MYCBP2: variants seen among roughly 807,000 people sequenced by gnomAD.
The protein encoded by MYCBP2 is E3 ubiquitin-protein ligase MYCBP2.
Under a neutral mutation model 525.3 loss-of-function variants are expected in MYCBP2, and 120 were observed. That is an observed-to-expected ratio of 0.23 (90% CI 0.20 to 0.27). The LOEUF (loss-of-function observed/expected upper bound fraction) is 0.27. Among genes scored for constraint, MYCBP2 ranks in the 10% least tolerant of loss-of-function variants. MYCBP2 has a pLI of 1.00. For synonymous variants in MYCBP2, 1,894 were observed against 1,955.8 expected (o/e 0.97, Z 0.83); for missense variants, 4,149 against 5,657.1 (o/e 0.73, Z 8.55).
chr13:77,241,121 T>A (rs1013100467), intron 17 of MYCBP2, among the ~76,000 whole-genome samples: 2 of 152,174 alleles, frequency 1.3e-5, no homozygotes, highest in Non-Finnish European at 2.9e-5. Context: ...ATTTTTTTTT[T>A]AACTTTAAAG....
At chr13:77,108,025 A>C (rs757206309) in intron 55 of MYCBP2, among the ~76,000 whole-genome samples, 43 of 152,202 alleles carry the variant, frequency 2.8e-4, no homozygotes, top group Admixed American at 2.6e-4. Flanking sequence ...GTATTTATGT[A>C]AGACTTATTT....
At chr13:77,149,386 CTT>C (rs544204271) in intron 47 of MYCBP2, among the ~76,000 whole-genome samples, 1 of 143,454 alleles carries the variant, frequency 7.0e-6, no homozygotes, top group African/African-American at 2.5e-5. Flanking sequence ...GCTTGGAAAT[CTT>C]TTTTTTTTTT....
chr13:77,097,869 AGAT>A lies in MYCBP2; in HGVS notation c.9282_9284del (p.Ser3095del). On this transcript the variant is annotated inframe_deletion, in exon 56 of 83. Coordinates refer to ENST00000544440, the MANE Select transcript of MYCBP2 (RefSeq NM_015057.5). Reference sequence around the variant, plus strand: ...GTGCAATATTAAACATATTCAGTGCAGATGATATTTCTAATGAATGTCTATTTT... The same window carrying A: ...GTGCAATATTAAACATATTCAGTGCAGATATTTCTAATGAATGTCTATTTT... 6.2e-7 allele frequency: 1 copy of A among 1,613,224 alleles called. No individual in the cohort carries two copies. Among genetic ancestry groups the A allele is most frequent in the Non-Finnish European group, 8.5e-7 (1 of 1,179,770 alleles).
At chr13:77,047,794 G>A (rs2154048961) in intron 82 of MYCBP2, among the ~76,000 whole-genome samples, 1 of 152,244 alleles carries the variant, frequency 6.6e-6, no homozygotes, top group East Asian at 1.9e-4. Context: ...GGGCTCCAGT[G>A]GGTTCCTGGG....
chr13:77,202,379 A>C lies in MYCBP2; in HGVS notation c.3843+2877T>G, dbSNP rs544152093. ...AATCTCTGAATAGACCAATAACAGG[A>C]TCTGAAATTGTGGCAATAATCAACA... On this transcript the variant is annotated intron_variant, in intron 26 of 82. Coordinates refer to ENST00000544440, the MANE Select transcript of MYCBP2 (RefSeq NM_015057.5). Among the ~76,000 whole-genome samples the C allele has an allele frequency of 5.6e-3, 849 of 152,244 alleles. 33 individuals carry two copies. The highest frequency in any genetic ancestry group is 0.049 in the Admixed American group (755 of 15,274).
At chr13:77,105,809 T>A (rs2047767867) in intron 55 of MYCBP2, among the ~76,000 whole-genome samples, 1 of 152,142 alleles carries the variant, frequency 6.6e-6, no homozygotes, top group East Asian at 1.9e-4. Flanking sequence ...TTTTCTCCAG[T>A]GCTCATTTGA....
chr13:77,130,050 C>T (rs2154171045), intron 52 of MYCBP2, among the ~76,000 whole-genome samples: 1 of 151,824 alleles, frequency 6.6e-6, no homozygotes, highest in East Asian at 1.9e-4. Context: ...AAATGTTTTA[C>T]TGATAATTTA....
chr13:77,236,619 GAAT>G (rs1174763426), intron 17 of MYCBP2, among the ~76,000 whole-genome samples: 4 of 152,018 alleles, frequency 2.6e-5, no homozygotes, highest in Non-Finnish European at 5.9e-5. Context: ...CTACTAAATG[GAAT>G]AATACGCAGC....
At chr13:77,235,513 T>C (rs1019211021) in intron 17 of MYCBP2, among the ~76,000 whole-genome samples, 1 of 152,022 alleles carries the variant, frequency 6.6e-6, no homozygotes, top group Non-Finnish European at 1.5e-5. Context: ...CTTGGAGAGG[T>C]ATGCAAAAAA....
chr13:77,061,043 T>G, intron 76 of MYCBP2, 126 bp downstream of exon 76: 1 of 1,071,250 alleles, frequency 9.3e-7, no homozygotes. Flanking sequence ...AGTAAATATA[T>G]AGATCAATGA....
chr13:77,168,438 A>T lies in MYCBP2; in HGVS notation c.6104T>A (p.Met2035Lys). 4 of 1,614,034 alleles carry T rather than the reference A, an allele frequency of 2.5e-6. No individual in the cohort carries two copies. The highest frequency in any genetic ancestry group is 3.4e-6 in the Non-Finnish European group (4 of 1,179,924). The change falls in exon 40 of 83, where the codon ATG becomes AAG. Residue 2035 changes from methionine to lysine, a missense_variant. Around this residue, in one of 21 missense-constraint regions of MYCBP2, gnomAD observed 692 missense variants for 852.7 expected, o/e 0.81. Transcript: ENST00000544440. ...AGAACCGGTGCCTACCTTGTAATGC[A>T]TCACACAGGCAGGTTTATACGGGTG... ...SEHPYKPACVMHYKVTFPECV... is the reference protein window; with the variant it reads ...SEHPYKPACVKHYKVTFPECV...
chr13:77,121,625 C>A (rs2050708691), intron 54 of MYCBP2, 130 bp from the exon 55 acceptor site: 2 of 857,182 alleles, frequency 2.3e-6, no homozygotes, highest in Non-Finnish European at 3.2e-6. Context: ...TAGATTTGAT[C>A]AATTTAAATA....
intron 52 of MYCBP2, among the ~76,000 whole-genome samples, chr13:77,133,576 T>C (rs919892087): frequency 4.6e-5 from 7 of 152,078 alleles, no homozygotes; most frequent in African/African-American, 1.7e-4. Context: ...AAAACAAATA[T>C]TATGGGTAGC....
intron 1 of MYCBP2, among the ~76,000 whole-genome samples, chr13:77,311,294 A>G (rs1163223274): frequency 1.3e-5 from 2 of 152,230 alleles, no homozygotes. Context: ...TCCTCCAGAG[A>G]ATTATAATAA....
At chr13:77,045,873 A>G (rs2035465699) in intron 82 of MYCBP2, among the ~76,000 whole-genome samples, 1 of 152,216 alleles carries the variant, frequency 6.6e-6, no homozygotes, top group South Asian at 2.1e-4. Flanking sequence ...TTCTGAATAG[A>G]AAACAGGGAG....
intron 72 of MYCBP2, among the ~76,000 whole-genome samples, chr13:77,065,239 T>C (rs2040006093): frequency 1.3e-5 from 2 of 152,222 alleles, no homozygotes; most frequent in African/African-American, 4.8e-5. Flanking sequence ...CTAAATATTT[T>C]AATTCAATGA....
rs777629569 is a variant in MYCBP2 at position 77,083,105 on chromosome 13, G to A, written c.10963C>T (p.Arg3655Cys). 9.3e-6 allele frequency: 15 copies of A among 1,613,488 alleles called. No homozygotes were observed. Among genetic ancestry groups the A allele is most frequent in the African/African-American group, 1.3e-5 (1 of 74,846 alleles). The change falls in exon 63 of 83, where the codon CGC becomes TGC. Residue 3655 changes from arginine to cysteine, a missense_variant. Physicochemically the swap from Arg to Cys is radical, Grantham distance 180. This residue lies in a region of MYCBP2 where 509 missense variants were observed against 789.4 expected (regional missense o/e 0.64). Coordinates refer to ENST00000544440, the MANE Select transcript of MYCBP2 (RefSeq NM_015057.5). ...AGGTCTGAGATGGTCTGCAGCAAGC[G>A]GTGAAAGGTGTGTGGTAAAGGATGA... is the stretch of plus-strand genomic sequence containing the variant. ...AAHPLPHTFH[R>C]LLQTISDLMM...
At chr13:77,218,738 A>G (rs949802865) in intron 20 of MYCBP2, among the ~76,000 whole-genome samples, 2 of 152,238 alleles carry the variant, frequency 1.3e-5, no homozygotes, top group African/African-American at 4.8e-5. Context: ...ATGACATCCT[A>G]GTATCCTTTC....
intron 55 of MYCBP2, among the ~76,000 whole-genome samples, chr13:77,103,913 A>G (rs1279742682): frequency 6.6e-6 from 1 of 152,130 alleles, no homozygotes; most frequent in Non-Finnish European, 1.5e-5. Flanking sequence ...TCTCATTTAC[A>G]CAACGTGTCA....
Sources: allele counts gnomAD v4.1 joint callset (sites outside exome capture counted in the v4.1 genomes callset), GRCh38; gene constraint gnomAD v4.1.1; regional missense constraint gnomAD v4.1.1; transcripts MANE v1.5; gene names NCBI Gene and HGNC (gene_info 2026-07-23, HGNC 2026-07-21).